Variants in ZNF618 observed in about 807,000 individuals in gnomAD.
ZNF618 encodes zinc finger protein 618, also known as neural precursor cell expressed, developmentally down-regulated 10.
ZNF618 carries 34 observed loss-of-function variants against 103.0 expected under a neutral mutation model. The ratio of observed to expected loss-of-function variants is 0.33; its 90% confidence interval spans 0.25 to 0.44. The LOEUF (loss-of-function observed/expected upper bound fraction) is 0.44, where lower values mean the gene tolerates loss of function less well. Ranked by LOEUF, ZNF618 falls within the 20% of genes least tolerant of loss-of-function variation. ZNF618 has a pLI of 1.00. For synonymous variants in ZNF618, 551 were observed against 542.2 expected, an observed-to-expected ratio of 1.02 and a Z score of -0.23; for missense variants, 1,059 against 1,295.4, an observed-to-expected ratio of 0.82 and a Z score of 2.80.
chr9:113,898,804 T>C (rs976811758), intron 1 of ZNF618, among the ~76,000 whole-genome samples: 1 of 152,208 alleles, frequency 6.6e-6, no homozygotes, highest in African/African-American at 2.4e-5. Flanking sequence ...AGACTGTAGT[T>C]ACCTCAATAT....
rs143354917 is a variant in ZNF618, at chr9:113,995,413, C to T, written c.338-2846C>T. On this transcript the variant is annotated intron_variant, in intron 3 of 14. Transcript: ENST00000374126. ...GCATCTCTTAATGAAATGGATAGGG[C>T]TTCATTTCTTTCTCAATTGGCTCAT... Among the ~76,000 whole-genome samples, 262 of 151,988 alleles carry T rather than the reference C, an allele frequency of 1.7e-3. 2 individuals carry two copies. Among genetic ancestry groups the T allele is most frequent in the African/African-American group, 6.2e-3 (256 of 41,470 alleles).
chr9:113,915,829 G>A (rs886889530), intron 1 of ZNF618, among the ~76,000 whole-genome samples: 3 of 152,226 alleles, frequency 2.0e-5, no homozygotes, highest in African/African-American at 7.2e-5. Context: ...AGAGAATTTT[G>A]CTAACCAAGG....
intron 9 of ZNF618, among the ~76,000 whole-genome samples, chr9:114,011,936 G>T (rs1158073772): frequency 2.0e-5 from 3 of 151,932 alleles, no homozygotes; most frequent in African/African-American, 7.3e-5. Flanking sequence ...ACTCATTTGT[G>T]TGGTCTGTTG....
intron 1 of ZNF618, among the ~76,000 whole-genome samples, chr9:113,878,564 C>T (rs986139823): frequency 7.2e-5 from 11 of 152,026 alleles, no homozygotes; most frequent in Non-Finnish European, 1.0e-4. Flanking sequence ...AAGTACCCAC[C>T]CAAAGATGAA....
At chr9:113,951,427 G>GTGTATATATATACACATACACATATA (rs1835619633) in intron 1 of ZNF618, among the ~76,000 whole-genome samples, 1 of 69,940 alleles carries the variant, frequency 1.4e-5, no homozygotes, top group African/African-American at 5.5e-5. Context: ...ATATATGTGT[G>GTGTATATATATACACATACACATATA]TGTGTATATA....
Position 114,055,678 on chromosome 9 carries a change from CTCTT to C in ZNF618, c.*5513_*5516del, listed in dbSNP as rs1354406405. 9.5e-5 allele frequency: 14 copies of C among 147,210 alleles called. No individual in the cohort carries two copies. The highest frequency in any genetic ancestry group is 2.0e-4 in the East Asian group (1 of 4,972). 9.1% of individuals were successfully genotyped at this position (147,210 alleles called of 1,614,324 possible). ...CATAGACACATCTGACTGTGTCTCT[CTCTT>C]TGAGTGCAAGAAACTCAAGTCATCT... is the stretch of plus-strand genomic sequence containing the variant. On this transcript the variant is annotated 3_prime_UTR_variant, in exon 15 of 15. Coordinates refer to ENST00000374126, the MANE Select transcript of ZNF618 (RefSeq NM_001318042.2).
chr9:113,998,967 C>T (rs1269865509), intron 4 of ZNF618, among the ~76,000 whole-genome samples: 2 of 152,256 alleles, frequency 1.3e-5, no homozygotes, highest in Non-Finnish European at 2.9e-5. Flanking sequence ...ACCCGTTCCC[C>T]TGAGGGGTGT....
chr9:114,049,633 C>G lies in ZNF618; in HGVS notation c.2331C>G (p.Asp777Glu). Residue 777 changes from aspartate (D) to glutamate (E), a missense_variant, in exon 15 of 15, where the codon GAC (aspartate) becomes GAG (glutamate). Around this residue, in one of 6 missense-constraint regions of ZNF618, gnomAD observed 272 missense variants for 380.1 expected, o/e 0.72. Coordinates refer to ENST00000374126, the MANE Select transcript of ZNF618 (RefSeq NM_001318042.2). ...AGCTGTTCACGGCCAAGGCCAACGA[C>G]GCAGGCACTGTCAGCAAGCTCTGCC... is the stretch of plus-strand genomic sequence containing the variant. ...LEKLFTAKANDAGTVSKLCHL... is the reference protein window; with the variant it reads ...LEKLFTAKANEAGTVSKLCHL... 1 of 1,613,854 alleles carries G rather than the reference C, an allele frequency of 6.2e-7. No individual in the cohort carries two copies. Among genetic ancestry groups the G allele is most frequent in the Non-Finnish European group, 8.5e-7 (1 of 1,179,906 alleles).
At chr9:113,960,021 C>T (rs2132544483) in intron 1 of ZNF618, among the ~76,000 whole-genome samples, 1 of 152,356 alleles carries the variant, frequency 6.6e-6, no homozygotes, top group East Asian at 1.9e-4. Context: ...AGGCCCTCTG[C>T]ACATAATCTA....
intron 3 of ZNF618, among the ~76,000 whole-genome samples, chr9:113,995,834 G>C (rs887411188): frequency 1.5e-4 from 23 of 152,124 alleles, no homozygotes; most frequent in Admixed American, 2.6e-4. Context: ...TGGAGCCCCA[G>C]GGTTTTCATC....
chr9:113,911,285 G>T (rs1225652807), intron 1 of ZNF618, among the ~76,000 whole-genome samples: 1 of 152,142 alleles, frequency 6.6e-6, no homozygotes, highest in African/African-American at 2.4e-5. Context: ...TCCCTACTCA[G>T]ATGTTGACAC....
chr9:113,907,615 A>G (rs907854233), intron 1 of ZNF618, among the ~76,000 whole-genome samples: 1 of 152,096 alleles, frequency 6.6e-6, no homozygotes, highest in African/African-American at 2.4e-5. Flanking sequence ...CTCTTTCATC[A>G]TGAGTAGGCA....
chr9:114,016,276 C>T (rs1485078701), intron 9 of ZNF618: 20 of 977,620 alleles, frequency 2.0e-5, no homozygotes, highest in African/African-American at 6.5e-5. Context: ...GAGGGGACCC[C>T]GGGTGTGGCC....
chr9:113,972,395 G>C (rs1229687759), intron 2 of ZNF618, among the ~76,000 whole-genome samples: 1 of 152,140 alleles, frequency 6.6e-6, no homozygotes, highest in Non-Finnish European at 1.5e-5. Context: ...TCATGAGAGA[G>C]ATACTCTTAT....
Position 114,049,148 on chromosome 9 carries a change from G to A in ZNF618, c.1846G>A (p.Val616Met). Residue 616 changes from valine to methionine, a missense_variant, in exon 15 of 15, where the codon GTG (valine) becomes ATG (methionine). This residue lies in a region of ZNF618 where 272 missense variants were observed against 380.1 expected (regional missense o/e 0.72). Coordinates refer to ENST00000374126, the MANE Select transcript of ZNF618 (RefSeq NM_001318042.2). ...FVMSEIRTVY[V>M]TDCRVSTSAF... The stretch of plus-strand genomic sequence containing the variant: ...GATGTCGGAGATCAGGACAGTGTAC[G>A]TGACGGATTGCCGGGTGAGCACGTC... The A allele has an allele frequency of 1.2e-6, 2 of 1,613,874 alleles. No homozygotes were observed. The highest frequency in any genetic ancestry group is 1.7e-6 in the Non-Finnish European group (2 of 1,179,904).
At chr9:113,949,906 G>A (rs548460699) in intron 1 of ZNF618, among the ~76,000 whole-genome samples, 4 of 152,274 alleles carry the variant, frequency 2.6e-5, no homozygotes, top group Non-Finnish European at 4.4e-5. Context: ...GTTGGCACGG[G>A]AGGCAATTCC....
intron 1 of ZNF618, among the ~76,000 whole-genome samples, chr9:113,879,633 T>C (rs1438030438): frequency 6.6e-6 from 1 of 152,016 alleles, no homozygotes; most frequent in Non-Finnish European, 1.5e-5. Context: ...CACCACATTC[T>C]CGTAGATTAT....
intron 2 of ZNF618, among the ~76,000 whole-genome samples, chr9:113,973,971 A>C (rs946641758): frequency 9.9e-5 from 15 of 152,186 alleles, no homozygotes; most frequent in African/African-American, 2.9e-4. Flanking sequence ...GAAAAAATCA[A>C]ATCTCATCCA....
At chr9:114,040,117 T>G (rs1845010955) in intron 13 of ZNF618, among the ~76,000 whole-genome samples, 1 of 152,202 alleles carries the variant, frequency 6.6e-6, no homozygotes, top group African/African-American at 2.4e-5. Context: ...TAATACAAGT[T>G]GAAGAATCTC....
Sources: allele counts gnomAD v4.1 joint callset (sites outside exome capture counted in the v4.1 genomes callset), GRCh38; gene constraint gnomAD v4.1.1; regional missense constraint gnomAD v4.1.1; transcripts MANE v1.5; gene names NCBI Gene and HGNC (gene_info 2026-07-23, HGNC 2026-07-21).